RYR3: variants seen among roughly 807,000 people sequenced by gnomAD.
RYR3 encodes the protein ryanodine receptor 3, also known as brain ryanodine receptor-calcium release channel.
A neutral mutation model predicts 584.3 loss-of-function variants in RYR3; 207 were observed. The observed-to-expected ratio is 0.35, with a 90% CI of 0.32 to 0.40. The LOEUF (loss-of-function observed/expected upper bound fraction) is 0.40. Ranked by LOEUF, RYR3 falls within the 10% of genes least tolerant of loss-of-function variation. The probability of loss-of-function intolerance (pLI) is 1.00; values close to 1 mark genes in which losing one functional copy is unlikely to be tolerated. For missense variants in RYR3, 5,616 were observed against 6,089.2 expected (o/e 0.92, Z 2.59); for synonymous variants, 2,416 against 2,248.5 (o/e 1.07, Z -2.11).
intron 2 of RYR3, among the ~76,000 whole-genome samples, chr15:33,492,185 A>G (rs1291358536): frequency 6.6e-6 from 1 of 152,142 alleles, no homozygotes; most frequent in Non-Finnish European, 1.5e-5. Context: ...GCTTTCTTGC[A>G]GTGGGGATGT....
Position 33,644,500 on chromosome 15 carries a change from A to G in RYR3, c.3746A>G (p.Lys1249Arg), listed in dbSNP as rs2061991637. The G allele has an allele frequency of 6.2e-7, 1 of 1,613,512 alleles. No individual in the cohort carries two copies. The highest frequency in any genetic ancestry group is 1.1e-5 in the South Asian group (1 of 90,992). Reference sequence around the variant, plus strand: ...CTCCCGACGTTTGTCAACGTGCCAAAGGATCATCCACACATAGAGGTAATG... The same window carrying G: ...CTCCCGACGTTTGTCAACGTGCCAAGGGATCATCCACACATAGAGGTAATG... ...KRLPTFVNVP[K>R]DHPHIEVMRI... Residue 1249 changes from lysine to arginine, a missense_variant, in exon 28 of 104, where the codon AAG becomes AGG. By Grantham distance (26) the Lys-to-Arg change is conservative. Around this residue, in one of 9 missense-constraint regions of RYR3, gnomAD observed 753 missense variants for 741.0 expected, o/e 1.02. Coordinates refer to ENST00000634891, the MANE Select transcript of RYR3 (RefSeq NM_001036.6).
chr15:33,444,189 G>C (rs931425023), intron 1 of RYR3, among the ~76,000 whole-genome samples: 1 of 152,186 alleles, frequency 6.6e-6, no homozygotes, highest in Non-Finnish European at 1.5e-5. Context: ...CCAGGGCCAA[G>C]AGGCTGTCAC....
chr15:33,830,677 C>T, intron 85 of RYR3: 1 of 244,976 alleles, frequency 4.1e-6, no homozygotes, highest in Non-Finnish European at 7.8e-6. Flanking sequence ...GGATAATTAC[C>T]ATTATCTTCA....
chr15:33,328,065 G>A (rs529920245), intron 1 of RYR3, among the ~76,000 whole-genome samples: 1 of 152,324 alleles, frequency 6.6e-6, no homozygotes, highest in South Asian at 2.1e-4. Flanking sequence ...CTGGGTTTTT[G>A]TTGCTGTGTT....
At chr15:33,500,778 C>T (rs569812659) in intron 2 of RYR3, among the ~76,000 whole-genome samples, 19 of 152,244 alleles carry the variant, frequency 1.2e-4, no homozygotes, top group East Asian at 1.2e-3. Flanking sequence ...CTTTAATGGA[C>T]GAGTGGCCTT....
At chr15:33,738,245 G>A (rs954799217) in intron 49 of RYR3, among the ~76,000 whole-genome samples, 6 of 152,112 alleles carry the variant, frequency 3.9e-5, no homozygotes, top group Admixed American at 3.3e-4. Context: ...AGGCAGATCC[G>A]CTCAGGCTCA....
chr15:33,712,380 G>A (rs2067186345), intron 43 of RYR3, among the ~76,000 whole-genome samples: 3 of 152,140 alleles, frequency 2.0e-5, no homozygotes, highest in East Asian at 1.9e-4. Context: ...GAGAGAAAAG[G>A]AACAGAGGTC....
rs1363870082 is a variant in RYR3, at chr15:33,317,646, A to AT, written c.51+6558dup. On this transcript the variant is annotated intron_variant, in intron 1 of 103. Coordinates refer to ENST00000634891, the MANE Select transcript of RYR3 (RefSeq NM_001036.6). ...ATGAGCCTCTTGAGATGCCAAGATT[A>AT]TTTTTTTTCTGTTTATGTCATTTCT... Among the ~76,000 whole-genome samples, 2 of 152,056 alleles carry AT rather than the reference A, an allele frequency of 1.3e-5. 1 individual carries two copies. The highest frequency in any genetic ancestry group is 4.8e-5 in the African/African-American group (2 of 41,476).
At chr15:33,326,625 A>T (rs1595723589) in intron 1 of RYR3, among the ~76,000 whole-genome samples, 1 of 152,158 alleles carries the variant, frequency 6.6e-6, no homozygotes, top group East Asian at 1.9e-4. Flanking sequence ...CAGAAGGATG[A>T]TCGTAAAGCA....
chr15:33,316,837 C>T (rs1425012792), intron 1 of RYR3, among the ~76,000 whole-genome samples: 1 of 152,222 alleles, frequency 6.6e-6, no homozygotes, highest in African/African-American at 2.4e-5. Flanking sequence ...CAGTTGCCGC[C>T]ATCTCTAACA....
At chr15:33,776,420 G>A (rs866124661) in intron 64 of RYR3, among the ~76,000 whole-genome samples, 1 of 152,210 alleles carries the variant, frequency 6.6e-6, no homozygotes, top group Non-Finnish European at 1.5e-5. Flanking sequence ...TTTGATGGGG[G>A]TTATTCAAGA....
chr15:33,559,996 AT>A, intron 10 of RYR3, among the ~76,000 whole-genome samples: 1 of 152,150 alleles, frequency 6.6e-6, no homozygotes, highest in Non-Finnish European at 1.5e-5. Context: ...AGAGATAATA[AT>A]TGTATTCCAT....
intron 2 of RYR3, among the ~76,000 whole-genome samples, chr15:33,494,704 C>T (rs1219983657): frequency 2.0e-5 from 3 of 152,188 alleles, no homozygotes; most frequent in Admixed American, 6.5e-5. Context: ...TTTTCTGCAT[C>T]TTACTGTGTA....
At chr15:33,603,086 G>A (rs755564145) in intron 17 of RYR3, 37 bp from the exon 18 acceptor site, 1 of 1,609,328 alleles carries the variant, frequency 6.2e-7, no homozygotes, top group Non-Finnish European at 8.5e-7. Flanking sequence ...CAGCTTTTAA[G>A]GGTGTGTAGA....
In RYR3 at chr15:33,701,051, C is replaced by A. The variant is rs538592026; in HGVS notation, c.6454C>A (p.Leu2152Met). 6.2e-7 allele frequency: 1 copy of A among 1,613,248 alleles called. No individual in the cohort carries two copies. Among genetic ancestry groups the A allele is most frequent in the East Asian group, 2.2e-5 (1 of 44,874 alleles). ...TGTGATGGACAACAATGAGTTAGCG[C>A]TGAGCTTAGAGGAACCAGACCTCGA... ...SSVMDNNELA[L>M]SLEEPDLEKV... is the part of the protein sequence containing the mutation. Residue 2152 changes from leucine to methionine, a missense_variant, in exon 42 of 104, where the codon CTG becomes ATG. Physicochemically the swap from Leu to Met is conservative, Grantham distance 15. Coordinates refer to ENST00000634891, the MANE Select transcript of RYR3 (RefSeq NM_001036.6).
Position 33,643,366 on chromosome 15 carries a change from A to G in RYR3, c.3557-945A>G, listed in dbSNP as rs1353434147. 6.6e-5 allele frequency among the ~76,000 whole-genome samples: 10 copies of G among 152,150 alleles called. No individual in the cohort carries two copies. In the East Asian group the frequency reaches 1.9e-3, roughly 29 times the overall value. ...TGTGTTGCTGATTTGTTGGTCCACA[A>G]TTATGATTTATAAATAGCCCACAAA... On this transcript the variant is annotated intron_variant, in intron 27 of 103. Coordinates refer to ENST00000634891, the MANE Select transcript of RYR3 (RefSeq NM_001036.6).
At chr15:33,669,655 A>G (rs2152721196) in intron 37 of RYR3, among the ~76,000 whole-genome samples, 199 bp downstream of exon 37, 1 of 152,310 alleles carries the variant, frequency 6.6e-6, no homozygotes, top group African/African-American at 2.4e-5. Flanking sequence ...TATGACCAAA[A>G]TTCCTTCTAC....
At chr15:33,712,383 CAG>C (rs1398257342) in intron 43 of RYR3, among the ~76,000 whole-genome samples, 1 of 152,042 alleles carries the variant, frequency 6.6e-6, no homozygotes, top group African/African-American at 2.4e-5. Context: ...AGAAAAGGAA[CAG>C]AGGTCACATT....
At chr15:33,382,319 C>T (rs868612494) in intron 1 of RYR3, among the ~76,000 whole-genome samples, 93 of 104,772 alleles carry the variant, frequency 8.9e-4, no homozygotes, top group African/African-American at 2.2e-3. Context: ...TTAAAAGTGG[C>T]TTTTTTTTTT....
Sources: gnomAD v4.1 joint callset for allele counts (sites outside exome capture counted in the v4.1 genomes callset) on GRCh38, gnomAD v4.1.1 for gene constraint, gnomAD v4.1.1 regional missense constraint, MANE v1.5 for transcripts, NCBI Gene and HGNC (gene_info 2026-07-23, HGNC 2026-07-21) for gene names.